The following LAMC3 variants were observed in gnomAD, a reference collection of about 807,000 sequenced individuals.
LAMC3 encodes laminin subunit gamma 3, also known as laminin subunit gamma-3.
A neutral mutation model predicts 173.8 loss-of-function variants in LAMC3; 128 were observed. The observed-to-expected ratio is 0.74, with a 90% confidence interval of 0.64 to 0.85. The LOEUF is 0.85. LAMC3 is among the 40% of genes least tolerant of loss of function. LAMC3 has a pLI of 0.00. For missense variants in LAMC3, 2,022 were observed against 2,156.0 expected (o/e 0.94, Z 1.23); for synonymous variants, 897 against 909.1 (o/e 0.99, Z 0.24).
At chr9:131,078,106 C>A (rs1398480326) in intron 22 of LAMC3, among the ~76,000 whole-genome samples, 1 of 152,166 alleles carries the variant, frequency 6.6e-6, no homozygotes, top group Non-Finnish European at 1.5e-5. Context: ...CCTCTGTGCT[C>A]ATCGCCTTAT....
At chr9:131,072,006 G>A (rs888432070) in intron 18 of LAMC3, among the ~76,000 whole-genome samples, 2 of 152,134 alleles carry the variant, frequency 1.3e-5, no homozygotes, top group Non-Finnish European at 2.9e-5. Context: ...TAAGACAAAA[G>A]AAGGAGGGCC....
intron 20 of LAMC3, 122 bp from the exon 21 acceptor site, chr9:131,075,709 T>C: frequency 9.1e-7 from 1 of 1,099,698 alleles, no homozygotes; most frequent in Non-Finnish European, 1.3e-6. Context: ...AAGGCGTACC[T>C]GTCTTTGTGG....
chr9:131,049,551 T>C (rs1341619267), intron 9 of LAMC3, among the ~76,000 whole-genome samples: 1 of 152,218 alleles, frequency 6.6e-6, no homozygotes, highest in African/African-American at 2.4e-5. Context: ...ACAACCTTAA[T>C]GTCCCCTGCC....
chr9:131,064,950 A>C (rs541917321), intron 13 of LAMC3, among the ~76,000 whole-genome samples: 3 of 149,726 alleles, frequency 2.0e-5, no homozygotes, highest in Non-Finnish European at 4.4e-5. Flanking sequence ...CTGAAACAGG[A>C]GAATCACTTG....
chr9:131,031,568 G>T (rs957938909), intron 2 of LAMC3, among the ~76,000 whole-genome samples: 1 of 152,188 alleles, frequency 6.6e-6, no homozygotes, highest in African/African-American at 2.4e-5. Flanking sequence ...GGAGAAGGTT[G>T]CGGGGGCACA....
intron 7 of LAMC3, among the ~76,000 whole-genome samples, chr9:131,044,889 C>T (rs1246936889): frequency 6.6e-6 from 1 of 152,160 alleles, no homozygotes; most frequent in Non-Finnish European, 1.5e-5. Context: ...GGATGGGATC[C>T]TGCAGCAGAA....
Position 131,026,360 on chromosome 9 carries a change from G to T in LAMC3, c.449G>T (p.Arg150Leu), listed in dbSNP as rs774775769. Residue 150 changes from arginine to leucine, a missense_variant, in exon 2 of 28, where the codon CGC (arginine) becomes CTC (leucine). Transcript: ENST00000361069. This position sits in a 1 kb window ranked among gnomAD's most constrained non-coding sequence, Gnocchi z 4.8. ...SRPESFAIYK[R>L]SRADGPWEPY... The stretch of plus-strand genomic sequence containing the variant: ...CCTGAGAGCTTTGCCATCTACAAGC[G>T]CAGCCGCGCCGACGGCCCATGGGAG... The T allele has an allele frequency of 2.5e-6, 4 of 1,614,170 alleles. No individual in the cohort carries two copies. Among genetic ancestry groups the T allele is most frequent in the Non-Finnish European group, 3.4e-6 (4 of 1,180,044 alleles).
At chr9:131,050,002 G>T (rs1235709729) in intron 9 of LAMC3, among the ~76,000 whole-genome samples, 1 of 152,206 alleles carries the variant, frequency 6.6e-6, no homozygotes, top group East Asian at 1.9e-4. Flanking sequence ...AGAGAGGCCG[G>T]GGAGATGATG....
At chr9:131,087,955 C>A in intron 27 of LAMC3, 138 bp downstream of exon 27, 2 of 758,534 alleles carry the variant, frequency 2.6e-6, no homozygotes, top group Non-Finnish European at 4.6e-6. Context: ...TCTTTGTGGT[C>A]AATCACAAGC....
In LAMC3 at chr9:131,068,924, C is replaced by G. The variant is rs753740635; in HGVS notation, c.2764C>G (p.Leu922Val). The G allele has an allele frequency of 6.2e-7, 1 of 1,613,990 alleles. No individual in the cohort carries two copies. The highest frequency in any genetic ancestry group is 1.3e-5 in the African/African-American group (1 of 74,942). Residue 922 changes from leucine (L) to valine (V), a missense_variant, in exon 16 of 28, where the codon CTG becomes GTG. Physicochemically the swap from Leu to Val is conservative, Grantham distance 32. Transcript: ENST00000361069. ...TGATCACAGCTGCAAGTGTCACCCA[C>G]TGGGCTCCCAGGAGGACCAGTGCCA... ...RGCRSCKCHP[L>V]GSQEDQCHPK...
chr9:131,073,182 G>C, intron 19 of LAMC3, 63 bp from the exon 20 acceptor site: 3 of 1,234,842 alleles, frequency 2.4e-6, no homozygotes, highest in South Asian at 1.2e-5. Flanking sequence ...AATTGGACCA[G>C]ATGTGGCCCT....
intron 25 of LAMC3, 94 bp downstream of exon 25, chr9:131,085,817 C>T (rs149212122): frequency 3.2e-5 from 37 of 1,170,078 alleles, no homozygotes; most frequent in South Asian, 6.4e-5. Context: ...CTGACTACTC[C>T]GCACTCACTC....
At chr9:131,066,273 T>C (rs1829930181) in intron 13 of LAMC3, among the ~76,000 whole-genome samples, 1 of 151,770 alleles carries the variant, frequency 6.6e-6, no homozygotes, top group South Asian at 2.1e-4. Flanking sequence ...GGCAGATCAC[T>C]TAAGTCCAGA....
chr9:131,055,616 G>C (rs1459795279), intron 11 of LAMC3, among the ~76,000 whole-genome samples: 2 of 151,058 alleles, frequency 1.3e-5, no homozygotes, highest in African/African-American at 4.9e-5. Flanking sequence ...TAGTAGAGAC[G>C]GGGTTTCACC....
At chr9:131,020,381 A>T (rs1564363728) in intron 1 of LAMC3, among the ~76,000 whole-genome samples, 1 of 152,204 alleles carries the variant, frequency 6.6e-6, no homozygotes, top group Non-Finnish European at 1.5e-5. Context: ...CAGATACCAC[A>T]AGACCCTGGC....
rs34605254 is a variant in LAMC3 at position 131,067,785 on chromosome 9, T to TG, written c.2594-292dup. ...AGAGCCATGGGTGCAGGGCTGTGCC[T>TG]GTGACCCTCGCCCAAGTCTCTGGCC... On this transcript the variant is annotated intron_variant, in intron 14 of 27. Coordinates refer to ENST00000361069, the MANE Select transcript of LAMC3 (RefSeq NM_006059.4). Among the ~76,000 whole-genome samples the TG allele has an allele frequency of 0.53, 80,049 of 151,886 alleles. 21,364 individuals are homozygous for TG. The highest frequency in any genetic ancestry group is 0.57 in the East Asian group (2,932 of 5,116).
chr9:131,081,002 T>C (rs1248731601), intron 23 of LAMC3, among the ~76,000 whole-genome samples: 1 of 152,226 alleles, frequency 6.6e-6, no homozygotes, highest in Non-Finnish European at 1.5e-5. Flanking sequence ...CACCTCAGTC[T>C]AGTTTCAGAA....
chr9:131,076,264 AC>A (rs565274212), intron 21 of LAMC3, among the ~76,000 whole-genome samples: 148 of 150,790 alleles, frequency 9.8e-4, no homozygotes, highest in Non-Finnish European at 1.1e-3. Context: ...GCATTCCCTG[AC>A]CCCCCTGGCC....
intron 13 of LAMC3, among the ~76,000 whole-genome samples, chr9:131,064,671 A>T (rs1334956258): frequency 1.3e-5 from 1 of 76,222 alleles, no homozygotes; most frequent in Non-Finnish European, 2.8e-5. Context: ...CTCCAAAAAA[A>T]AAAAAAAAAG....
Sources: gnomAD v4.1 joint callset for allele counts (sites outside exome capture counted in the v4.1 genomes callset) on GRCh38, gnomAD v4.1.1 for gene constraint, Gnocchi (gnomAD v3.1) non-coding constraint, MANE v1.5 for transcripts, NCBI Gene and HGNC (gene_info 2026-07-23, HGNC 2026-07-21) for gene names.